RPIA: variants seen among roughly 807,000 people sequenced by gnomAD.
RPIA encodes ribose-5-phosphate isomerase.
In RPIA, 29 loss-of-function variants were observed where a neutral mutation model predicts 37.8. The observed-to-expected ratio is 0.77, with a 90% CI of 0.57 to 1.05. The LOEUF is 1.05. Among genes scored for constraint, RPIA ranks in the 50% least tolerant of loss-of-function variants. RPIA has a pLI of 0.00. For missense variants in RPIA, 385 were observed against 413.6 expected (o/e 0.93, Z 0.60); for synonymous variants, 167 against 157.0 (o/e 1.06, Z -0.48).
intron 1 of RPIA, among the ~76,000 whole-genome samples, chr2:88,697,477 A>G (rs1240670812): frequency 6.6e-6 from 1 of 152,198 alleles, no homozygotes; most frequent in East Asian, 1.9e-4. Flanking sequence ...TTAGTTCCTG[A>G]CTGTTAGTAC....
At chr2:88,722,751 A>G (rs1262346725) in intron 3 of RPIA, among the ~76,000 whole-genome samples, 1 of 152,198 alleles carries the variant, frequency 6.6e-6, no homozygotes, top group Non-Finnish European at 1.5e-5. Flanking sequence ...CTTTAGACCT[A>G]AGAAGAATCT....
chr2:88,749,053 A>G (rs1558702862), intron 8 of RPIA, among the ~76,000 whole-genome samples: 1 of 152,174 alleles, frequency 6.6e-6, no homozygotes, highest in Non-Finnish European at 1.5e-5. Flanking sequence ...CTCTTGATGG[A>G]CATTTGGGTA....
intron 3 of RPIA, among the ~76,000 whole-genome samples, chr2:88,719,092 G>C (rs552714245): frequency 1.3e-4 from 20 of 152,148 alleles, no homozygotes; most frequent in East Asian, 1.2e-3. Flanking sequence ...TGAGAAACTT[G>C]TATTCAAGAG....
intron 3 of RPIA, among the ~76,000 whole-genome samples, chr2:88,705,005 C>A (rs2104083217): frequency 6.6e-6 from 1 of 152,216 alleles, no homozygotes; most frequent in African/African-American, 2.4e-5. Flanking sequence ...AGGAATACAG[C>A]TAACAAGGAA....
At chr2:88,698,290 T>C (rs1226635774) in intron 1 of RPIA, among the ~76,000 whole-genome samples, 194 bp from the exon 2 acceptor site, 1 of 152,136 alleles carries the variant, frequency 6.6e-6, no homozygotes, top group Admixed American at 6.5e-5. Flanking sequence ...TGAACATTTG[T>C]CCACCATGGA....
chr2:88,727,202 T>G (rs528324395), intron 3 of RPIA, among the ~76,000 whole-genome samples: 8 of 152,320 alleles, frequency 5.3e-5, no homozygotes, highest in African/African-American at 1.9e-4. Context: ...TGTAAACTAA[T>G]CTCAGAAGTG....
At chr2:88,719,191 T>C (rs1377819307) in intron 3 of RPIA, among the ~76,000 whole-genome samples, 2 of 152,162 alleles carry the variant, frequency 1.3e-5, no homozygotes, top group African/African-American at 4.8e-5. Flanking sequence ...ACAAAAAGTT[T>C]TAGGGCAGCT....
rs1024718999 is a variant in RPIA, at chr2:88,717,802, A to G, written c.403-11476A>G. ...GACAGGTAGTTCCTGAGTTATTAGG[A>G]AAGTTCATTTTTAGCAGGTCGTGAA... On this transcript the variant is annotated intron_variant, in intron 3 of 8. Transcript: ENST00000283646. 2.6e-5 allele frequency among the ~76,000 whole-genome samples: 4 copies of G among 152,298 alleles called. No homozygotes were observed. The East Asian group carries it at 5.8e-4, about 22-fold the overall frequency.
At chr2:88,733,022 C>A (rs1260736000) in intron 4 of RPIA, among the ~76,000 whole-genome samples, 1 of 152,200 alleles carries the variant, frequency 6.6e-6, no homozygotes, top group African/African-American at 2.4e-5. Flanking sequence ...ATGGCTAATG[C>A]CACAGGTTTT....
At chr2:88,734,401 C>T (rs1354450527) in intron 4 of RPIA, 151 bp from the exon 5 acceptor site, 3 of 753,460 alleles carry the variant, frequency 4.0e-6, no homozygotes, top group Non-Finnish European at 7.1e-6. Flanking sequence ...GCAGCTTAAC[C>T]TCTTGTAGCT....
intron 7 of RPIA, among the ~76,000 whole-genome samples, 175 bp downstream of exon 7, chr2:88,736,851 C>G (rs1673321605): frequency 6.6e-6 from 1 of 152,166 alleles, no homozygotes; most frequent in South Asian, 2.1e-4. Context: ...TTTCTGCATT[C>G]AAACTCGTGT....
intron 2 of RPIA, 96 bp from the exon 3 acceptor site, chr2:88,699,913 A>C: frequency 7.6e-7 from 1 of 1,315,558 alleles, no homozygotes; most frequent in Non-Finnish European, 1.1e-6. Context: ...TGGGAAATAG[A>C]CCTTCCCTTG....
At position 88,725,705 on chromosome 2, in the gene RPIA, A is replaced by G. The variant is rs532823600; in HGVS notation, c.403-3573A>G. On this transcript the variant is annotated intron_variant, in intron 3 of 8. Coordinates refer to ENST00000283646, the MANE Select transcript of RPIA (RefSeq NM_144563.3). ...TCCATAAAACATCACATTCTGAAGTACTGAGGCTTAGAACTCCAATAGATC... is the reference window on the plus strand; with the variant it reads ...TCCATAAAACATCACATTCTGAAGTGCTGAGGCTTAGAACTCCAATAGATC... Among the ~76,000 whole-genome samples, 15 of 152,326 alleles carry G rather than the reference A, an allele frequency of 9.8e-5. No homozygotes were observed. The South Asian group carries it at 1.2e-3, about 13-fold the overall frequency.
intron 3 of RPIA, among the ~76,000 whole-genome samples, chr2:88,721,569 ACACC>A (rs144687177): frequency 0.48 from 44,134 of 91,106 alleles, 8,275 homozygotes; most frequent in East Asian, 0.56. Flanking sequence ...ACACACACAC[ACACC>A]CCCCCCCCCA....
At chr2:88,734,259 C>T (rs1673287684) in intron 4 of RPIA, among the ~76,000 whole-genome samples, 3 of 152,070 alleles carry the variant, frequency 2.0e-5, no homozygotes, top group South Asian at 2.1e-4. Flanking sequence ...ACTGAGAACA[C>T]GTGCTCTAAA....
intron 4 of RPIA, among the ~76,000 whole-genome samples, chr2:88,732,728 T>TAAAAAAAA (rs75685116): frequency 1.0e-3 from 2 of 2,006 alleles, no homozygotes; most frequent in Non-Finnish European, 1.6e-3. Context: ...TAGAGTATAA[T>TAAAAAAAA]AAAAAAAAAA....
At chr2:88,702,465 G>A (rs1672843589) in intron 3 of RPIA, among the ~76,000 whole-genome samples, 1 of 152,244 alleles carries the variant, frequency 6.6e-6, no homozygotes, top group Non-Finnish European at 1.5e-5. Flanking sequence ...ATGGCAGAAA[G>A]CAAGGAGGAA....
At chr2:88,733,541 T>C (rs1286620665) in intron 4 of RPIA, among the ~76,000 whole-genome samples, 1 of 152,128 alleles carries the variant, frequency 6.6e-6, no homozygotes, top group Non-Finnish European at 1.5e-5. Flanking sequence ...GGTTGCCACT[T>C]TCCATACCCC....
At chr2:88,728,847 G>T (rs561393340) in intron 3 of RPIA, among the ~76,000 whole-genome samples, 15 of 151,182 alleles carry the variant, frequency 9.9e-5, no homozygotes, top group Admixed American at 3.9e-4. Flanking sequence ...AACAGTGTGG[G>T]CTGGAAACCA....
Sources: gnomAD v4.1 joint callset for allele counts (sites outside exome capture counted in the v4.1 genomes callset) on GRCh38, gnomAD v4.1.1 for gene constraint, MANE v1.5 for transcripts, NCBI Gene and HGNC (gene_info 2026-07-23, HGNC 2026-07-21) for gene names.